GRIN2B: variants seen among roughly 807,000 people sequenced by gnomAD.
The protein encoded by GRIN2B is glutamate receptor ionotropic, NMDA 2B.
Under a neutral mutation model 114.5 loss-of-function variants are expected in GRIN2B, and 5 were observed. That is an observed-to-expected ratio of 0.04 (90% CI 0.02 to 0.09). The LOEUF (loss-of-function observed/expected upper bound fraction) is 0.09, where lower values mean the gene tolerates loss of function less well. Among genes scored for constraint, GRIN2B ranks in the 10% least tolerant of loss-of-function variants. The probability of loss-of-function intolerance (pLI) is 1.00; values close to 1 mark genes in which losing one functional copy is unlikely to be tolerated. For missense variants in GRIN2B, 1,108 were observed against 1,943.5 expected (o/e 0.57, Z 8.08); for synonymous variants, 787 against 745.1 (o/e 1.06, Z -0.92).
intron 5 of GRIN2B, among the ~76,000 whole-genome samples, chr12:13,628,088 G>A (rs1216320668): frequency 6.6e-6 from 1 of 152,112 alleles, no homozygotes; most frequent in Non-Finnish European, 1.5e-5. Flanking sequence ...TGTGCCATAA[G>A]GCACATAAAA....
intron 5 of GRIN2B, among the ~76,000 whole-genome samples, chr12:13,661,070 T>G (rs1591663669): frequency 6.6e-6 from 1 of 152,328 alleles, no homozygotes; most frequent in African/African-American, 2.4e-5. Context: ...GTTTTTCCTA[T>G]ATTCACATGT....
intron 10 of GRIN2B, among the ~76,000 whole-genome samples, chr12:13,593,045 T>G (rs1186425559): frequency 6.6e-6 from 1 of 152,180 alleles, no homozygotes; most frequent in Non-Finnish European, 1.5e-5. Context: ...CCTTCTTTAC[T>G]GAACCACTAA....
intron 3 of GRIN2B, among the ~76,000 whole-genome samples, chr12:13,834,579 T>C (rs1275201817): frequency 6.6e-6 from 1 of 152,182 alleles, no homozygotes; most frequent in East Asian, 1.9e-4. Context: ...ACCTCGTCCC[T>C]GGGTCAACTC....
intron 4 of GRIN2B, among the ~76,000 whole-genome samples, chr12:13,676,975 G>A (rs916986452): frequency 3.0e-4 from 46 of 152,098 alleles, no homozygotes; most frequent in African/African-American, 8.4e-4. Context: ...TCTTCCTCCC[G>A]GACACCTTCA....
At position 13,539,333 on chromosome 12, in the gene GRIN2B, T is replaced by C. The variant is rs1233023702; in HGVS notation, c.*23450A>G. On this transcript the variant is annotated 3_prime_UTR_variant, in exon 14 of 14. Transcript: ENST00000609686. Reference sequence around the variant, plus strand: ...AAGGTCCTTTCCAGTACTAGGACTATAGGAGGAGCATGTGGCTTTTAATAA... The same window carrying C: ...AAGGTCCTTTCCAGTACTAGGACTACAGGAGGAGCATGTGGCTTTTAATAA... The C allele has an allele frequency of 3.3e-5, 5 of 152,210 alleles. No individual in the cohort carries two copies. Among genetic ancestry groups the C allele is most frequent in the African/African-American group, 1.2e-4 (5 of 41,446 alleles). The allele number at this position is 152,210 out of a possible 1,614,324, so 9.4% of individuals were successfully genotyped here.
chr12:13,572,044 A>G, intron 10 of GRIN2B, 80 bp from the exon 11 acceptor site: 1 of 1,118,498 alleles, frequency 8.9e-7, no homozygotes, highest in Non-Finnish European at 1.3e-6. Flanking sequence ...GAAAATGTGA[A>G]GAGACATTAA....
In GRIN2B at chr12:13,675,831, T is replaced by C. The variant is rs1340997251; in HGVS notation, c.1039A>G (p.Arg347Gly). ...RYLINVTFEG[R>G]NLSFSEDGYQ... is the part of the protein sequence containing the mutation. Reference sequence around the variant, plus strand: ...CCATCTTCACTGAAGGACAAATTCCTCCCCTCAAAAGTGACATTGATCAGA... The same window carrying C: ...CCATCTTCACTGAAGGACAAATTCCCCCCCTCAAAAGTGACATTGATCAGA... The change falls in exon 5 of 14, where the codon AGG becomes GGG. Residue 347 changes from arginine (R) to glycine (G), a missense_variant. Transcript: ENST00000609686. 4 of 1,605,922 alleles carry C rather than the reference T, an allele frequency of 2.5e-6. No homozygotes were observed. The highest frequency in any genetic ancestry group is 3.4e-6 in the Non-Finnish European group (4 of 1,172,984).
Position 13,543,517 on chromosome 12 carries a change from C to T in GRIN2B, c.*19266G>A, listed in dbSNP as rs1187865056. On this transcript the variant is annotated 3_prime_UTR_variant, in exon 14 of 14. Transcript: ENST00000609686. Reference sequence around the variant, plus strand: ...TCATTATATTCACCTGGTTATACCCCAACCCTGTTCCAATCTAACTTGCCA... The same window carrying T: ...TCATTATATTCACCTGGTTATACCCTAACCCTGTTCCAATCTAACTTGCCA... The T allele has an allele frequency of 6.6e-6, 1 of 152,180 alleles. No individual in the cohort carries two copies. The highest frequency in any genetic ancestry group is 1.5e-5 in the Non-Finnish European group (1 of 68,044). 9.4% of individuals were successfully genotyped at this position (152,180 alleles called of 1,614,324 possible). A position where few individuals can be genotyped will look rare whatever the true frequency, so the allele number is the denominator to read the frequency against.
At chr12:13,846,278 A>G (rs1264768061) in intron 3 of GRIN2B, among the ~76,000 whole-genome samples, 1 of 152,240 alleles carries the variant, frequency 6.6e-6, no homozygotes, top group East Asian at 1.9e-4. Context: ...CCAAAGAAGA[A>G]TAAAGCCCTA....
chr12:13,822,578 A>G (rs1480027802), intron 3 of GRIN2B, among the ~76,000 whole-genome samples: 1 of 152,126 alleles, frequency 6.6e-6, no homozygotes, highest in Non-Finnish European at 1.5e-5. Flanking sequence ...GTTTATTGAG[A>G]AGATTCTACA....
intron 4 of GRIN2B, among the ~76,000 whole-genome samples, chr12:13,701,525 A>AAG (rs1317575567): frequency 2.0e-5 from 3 of 152,022 alleles, no homozygotes; most frequent in African/African-American, 7.2e-5. Flanking sequence ...AAAAAAAAAA[A>AAG]AAAAGAAAAA....
At chr12:13,565,952 C>T (rs1487245342) in intron 13 of GRIN2B, among the ~76,000 whole-genome samples, 1 of 152,058 alleles carries the variant, frequency 6.6e-6, no homozygotes, top group Non-Finnish European at 1.5e-5. Context: ...TTGATCATGT[C>T]AAAGGATTAT....
intron 5 of GRIN2B, among the ~76,000 whole-genome samples, chr12:13,655,410 G>A (rs1044144942): frequency 4.1e-4 from 63 of 152,182 alleles, no homozygotes; most frequent in African/African-American, 1.4e-3. Flanking sequence ...CATCAAGTAT[G>A]AGGCTTGAAT....
chr12:13,704,880 A>G (rs1810538406), intron 4 of GRIN2B, among the ~76,000 whole-genome samples: 1 of 152,124 alleles, frequency 6.6e-6, no homozygotes, highest in South Asian at 2.1e-4. Context: ...TGATACTTTT[A>G]TTCCTCATTT....
intron 2 of GRIN2B, among the ~76,000 whole-genome samples, chr12:13,961,372 A>G (rs1437518063): frequency 6.6e-6 from 1 of 152,048 alleles, no homozygotes; most frequent in African/African-American, 2.4e-5. Context: ...TGAGAGAGAT[A>G]CCATAGGGAA....
At chr12:13,905,201 T>C (rs1051951199) in intron 2 of GRIN2B, among the ~76,000 whole-genome samples, 17 of 152,308 alleles carry the variant, frequency 1.1e-4, no homozygotes, top group South Asian at 4.1e-4. Context: ...CTATTTTCTC[T>C]CACCACTCTG....
chr12:13,702,689 C>G (rs1342242540), intron 4 of GRIN2B, among the ~76,000 whole-genome samples: 1 of 152,100 alleles, frequency 6.6e-6, no homozygotes, highest in Non-Finnish European at 1.5e-5. Context: ...CCAAATACCC[C>G]ATAAAGACGG....
intron 3 of GRIN2B, among the ~76,000 whole-genome samples, chr12:13,835,273 A>G (rs1241369033): frequency 6.6e-6 from 1 of 152,032 alleles, no homozygotes; most frequent in Non-Finnish European, 1.5e-5. Context: ...CTTGATTTGA[A>G]GTTCATATTT....
chr12:13,711,477 C>T (rs1950413530), intron 4 of GRIN2B, among the ~76,000 whole-genome samples: 1 of 152,082 alleles, frequency 6.6e-6, no homozygotes, highest in African/African-American at 2.4e-5. Context: ...GCAATCTACT[C>T]ATCTGACAAA....
Sources: gnomAD v4.1 joint callset for allele counts (sites outside exome capture counted in the v4.1 genomes callset) on GRCh38, gnomAD v4.1.1 for gene constraint, MANE v1.5 for transcripts, NCBI Gene and HGNC (gene_info 2026-07-23, HGNC 2026-07-21) for gene names.